Variants in ZP3 observed in about 807,000 individuals in gnomAD.
The protein encoded by ZP3 is zona pellucida glycoprotein 3, also known as zona pellucida sperm-binding protein 3.
Under a neutral mutation model 35.6 loss-of-function variants are expected in ZP3, and 21 were observed. That is an observed-to-expected ratio of 0.59 (90% CI 0.42 to 0.85). The LOEUF (loss-of-function observed/expected upper bound fraction) is 0.85. Among genes scored for constraint, ZP3 ranks in the 40% least tolerant of loss-of-function variants. The probability of loss-of-function intolerance (pLI) is 0.00; values close to 1 mark genes in which losing one functional copy is unlikely to be tolerated. For synonymous variants in ZP3, 207 were observed against 214.5 expected (o/e 0.96, Z 0.31); for missense variants, 437 against 536.5 (o/e 0.81, Z 1.83).
In ZP3 at chr7:76,431,566, G is replaced by A. The variant is rs972394415; in HGVS notation, c.432-1361G>A. Among the ~76,000 whole-genome samples, 11 of 152,230 alleles carry A rather than the reference G, an allele frequency of 7.2e-5. No individual in the cohort carries two copies. The South Asian group carries it at 8.3e-4, about 11-fold the overall frequency. ...GTCACTGGTGTGGGTCCAGGCTCTCGGTAGCATCTCAAGACCTAAGGGCCT... is the reference window on the plus strand; with the variant it reads ...GTCACTGGTGTGGGTCCAGGCTCTCAGTAGCATCTCAAGACCTAAGGGCCT... On this transcript the variant is annotated intron_variant, in intron 2 of 7. Transcript: ENST00000394857.
chr7:76,435,129 G>A (rs1191953935), intron 5 of ZP3, among the ~76,000 whole-genome samples: 1 of 151,548 alleles, frequency 6.6e-6, no homozygotes, highest in Non-Finnish European at 1.5e-5. Context: ...GGCAGATCAC[G>A]AGGTCAGGAG....
chr7:76,398,853 C>T, intron 1 of ZP3: 11 of 1,586,476 alleles, frequency 6.9e-6, no homozygotes, highest in Admixed American at 3.4e-5. Context: ...CCTCACACCA[C>T]GGGGTGTTTA....
chr7:76,414,346 G>A (rs1396260989), intron 1 of ZP3, among the ~76,000 whole-genome samples: 3 of 152,048 alleles, frequency 2.0e-5, no homozygotes, highest in Non-Finnish European at 4.4e-5. Flanking sequence ...ACCTCTCTAA[G>A]TCACCACCTC....
chr7:76,428,696 TG>T (rs1047430463), intron 1 of ZP3: 2 of 152,494 alleles, frequency 1.3e-5, no homozygotes, highest in African/African-American at 4.8e-5. Flanking sequence ...TGTTTGTTTT[TG>T]TTTTTGAGAG....
At chr7:76,436,068 T>C (rs1805997708) in intron 5 of ZP3, among the ~76,000 whole-genome samples, 1 of 81,114 alleles carries the variant, frequency 1.2e-5, no homozygotes, top group Non-Finnish European at 2.5e-5. Flanking sequence ...TTTTTTTTTT[T>C]TTTTTTTGAG....
At chr7:76,433,173 T>TTGGTTTTGGTTGGTTTTGGTTGGTTTTG in intron 3 of ZP3, 143 bp downstream of exon 3, 1 of 142,314 alleles carries the variant, frequency 7.0e-6, no homozygotes, top group African/African-American at 7.1e-5. Flanking sequence ...GGTTGGTTTT[T>TTGGTTTTGGTTGGTTTTGGTTGGTTTTG]GAGACAGTCT....
chr7:76,433,596 C>G lies in ZP3; in HGVS notation c.662C>G (p.Pro221Arg), dbSNP rs139729790. ...RLFVDHCVAT[P>R]TPDQNASPYH... ...TTTGTGGACCACTGCGTGGCCACAC[C>G]GACACCAGACCAGAATGCCTCCCCT... The change falls in exon 4 of 8, where the codon CCG becomes CGG. Residue 221 changes from proline to arginine, a missense_variant. This residue lies in a region of ZP3 where 352 missense variants were observed against 308.4 expected (regional missense o/e 1.14). Transcript: ENST00000394857. The G allele has an allele frequency of 0.014, 22,184 of 1,614,026 alleles. 210 individuals carry two copies. Among genetic ancestry groups the G allele is most frequent in the Non-Finnish European group, 0.017 (19,658 of 1,179,944 alleles).
rs1563692876 is a variant in ZP3 at position 76,416,923 on chromosome 7, TAC to T, written c.-66-8125_-66-8124del. Among the ~76,000 whole-genome samples the T allele has an allele frequency of 1.6e-3, 218 of 133,204 alleles. 3 individuals are homozygous for T. Among genetic ancestry groups the T allele is most frequent in the African/African-American group, 5.5e-3 (193 of 34,836 alleles). The allele number at this position is 133,204 out of a possible 152,430, so 87.4% of individuals were successfully genotyped here. On this transcript the variant is annotated intron_variant, in intron 1 of 8. Coordinates refer to the ZP3 transcript ENST00000336517. ...ATACATATGTATACATACATATATA[TAC>T]ACATACATATGTATACATACATATA...
upstream of ZP3, among the ~76,000 whole-genome samples, chr7:76,421,994 T>A (rs1008896518): frequency 6.6e-6 from 1 of 151,996 alleles, no homozygotes; most frequent in Non-Finnish European, 1.5e-5. Flanking sequence ...CCTCCTGGGT[T>A]CAAGCGATTC....
At position 76,425,208 on chromosome 7, in the gene ZP3, G is replaced by A. The variant is rs773770548; in HGVS notation, c.244G>A (p.Val82Ile). 2.5e-6 allele frequency: 4 copies of A among 1,613,932 alleles called. No homozygotes were observed. Among genetic ancestry groups the A allele is most frequent in the South Asian group, 2.2e-5 (2 of 91,086 alleles). The change falls in exon 1 of 8, where the codon GTC (valine) becomes ATC (isoleucine). Residue 82 changes from valine (V) to isoleucine (I), a missense_variant. By Grantham distance (29) the Val-to-Ile change is conservative. Coordinates refer to ENST00000394857, the MANE Select transcript of ZP3 (RefSeq NM_001110354.2). ...GGGCCCAGAGGCCTGTGAGCCTCTG[G>A]TCTCCATGGACACAGAAGATGTGGT... ...TLGPEACEPLVSMDTEDVVRF... is the reference protein window; with the variant it reads ...TLGPEACEPLISMDTEDVVRF...
chr7:76,432,557 C>G (rs895331811), intron 2 of ZP3, among the ~76,000 whole-genome samples: 5 of 152,132 alleles, frequency 3.3e-5, no homozygotes, highest in Admixed American at 3.3e-4. Flanking sequence ...CTCAGGCAAT[C>G]CTCCAGTCTC....
intron 1 of ZP3, among the ~76,000 whole-genome samples, chr7:76,417,940 CTTTT>C (rs371645836): frequency 8.3e-6 from 1 of 121,178 alleles, no homozygotes; most frequent in Admixed American, 9.0e-5. Flanking sequence ...TTCTTTCTTT[CTTTT>C]TTTTTTTTTT....
At chr7:76,437,447 G>C (rs1806053193) in intron 5 of ZP3, among the ~76,000 whole-genome samples, 2 of 150,778 alleles carry the variant, frequency 1.3e-5, no homozygotes, top group South Asian at 2.1e-4. Context: ...TGGGATTACA[G>C]GCATGAGCTA....
chr7:76,435,712 A>G (rs1368343631), intron 5 of ZP3, among the ~76,000 whole-genome samples: 1 of 150,474 alleles, frequency 6.6e-6, no homozygotes, highest in Non-Finnish European at 1.5e-5. Flanking sequence ...TGTGCACACC[A>G]TCTAGGTTCT....
chr7:76,406,330 G>A (rs1256968845), intron 1 of ZP3, among the ~76,000 whole-genome samples: 1 of 152,000 alleles, frequency 6.6e-6, no homozygotes, highest in East Asian at 1.9e-4. Context: ...ACTTAATTTG[G>A]GAGGATATAG....
chr7:76,427,715 A>T (rs919211519), intron 1 of ZP3, among the ~76,000 whole-genome samples: 4 of 152,104 alleles, frequency 2.6e-5, no homozygotes, highest in African/African-American at 9.7e-5. Flanking sequence ...TTCCCTGAAG[A>T]TCGAGTTTGG....
intron 1 of ZP3, among the ~76,000 whole-genome samples, chr7:76,416,909 T>TACACAC (rs1192959806): frequency 7.6e-5 from 10 of 131,174 alleles, no homozygotes; most frequent in African/African-American, 2.7e-4. Flanking sequence ...TACATATGTA[T>TACACAC]ACATACATAT....
chr7:76,404,454 G>T, intron 1 of ZP3: 14 of 1,613,974 alleles, frequency 8.7e-6, no homozygotes, highest in Non-Finnish European at 1.1e-5. Context: ...ATGGTGAAGG[G>T]TGTTTCAGAT....
At chr7:76,435,732 ATT>A (rs71521128) in intron 5 of ZP3, among the ~76,000 whole-genome samples, 1,971 of 137,592 alleles carry the variant, frequency 0.014, no homozygotes, top group African/African-American at 0.028. Context: ...TACCACCAGC[ATT>A]TTTTTTTTTT....
Sources: allele counts gnomAD v4.1 joint callset (sites outside exome capture counted in the v4.1 genomes callset), GRCh38; gene constraint gnomAD v4.1.1; regional missense constraint gnomAD v4.1.1; transcripts MANE v1.5; gene names NCBI Gene and HGNC (gene_info 2026-07-23, HGNC 2026-07-21).